NOS1AP: variants seen among roughly 807,000 people sequenced by gnomAD.
NOS1AP encodes the protein nitric oxide synthase 1 adaptor protein.
A neutral mutation model predicts 56.2 loss-of-function variants in NOS1AP; 21 were observed. The observed-to-expected ratio is 0.37, with a 90% CI of 0.26 to 0.54. The LOEUF (loss-of-function observed/expected upper bound fraction) is 0.54. Among genes scored for constraint, NOS1AP ranks in the 20% least tolerant of loss-of-function variants. The pLI is 0.84. For missense variants in NOS1AP, 522 were observed against 657.8 expected, an observed-to-expected ratio of 0.79 and a Z score of 2.26; for synonymous variants, 270 against 274.6, an observed-to-expected ratio of 0.98 and a Z score of 0.17.
At chr1:162,168,061 A>G (rs1262682643) in intron 2 of NOS1AP, among the ~76,000 whole-genome samples, 1 of 152,170 alleles carries the variant, frequency 6.6e-6, no homozygotes, top group African/African-American at 2.4e-5. Context: ...GTTATATAAC[A>G]GGCGCTGTTC....
chr1:162,240,244 A>AGTGTGTGTGTGTGTGTGTGTGTGT (rs5778260), intron 2 of NOS1AP, among the ~76,000 whole-genome samples: 13 of 141,302 alleles, frequency 9.2e-5, no homozygotes, highest in African/African-American at 3.5e-4. Context: ...CTGTGTGGCC[A>AGTGTGTGTGTGTGTGTGTGTGTGT]GTGTGTGTGT....
chr1:162,301,200 T>C (rs1215692642), intron 4 of NOS1AP, among the ~76,000 whole-genome samples: 1 of 152,154 alleles, frequency 6.6e-6, no homozygotes, highest in Non-Finnish European at 1.5e-5. Context: ...AAAATTTGTA[T>C]GTTGAAATCC....
intron 2 of NOS1AP, among the ~76,000 whole-genome samples, chr1:162,264,247 T>C (rs1654326654): frequency 6.6e-6 from 1 of 152,110 alleles, no homozygotes; most frequent in Non-Finnish European, 1.5e-5. Flanking sequence ...TATTTTCCTC[T>C]TCAGCCTCTT....
intron 6 of NOS1AP, among the ~76,000 whole-genome samples, chr1:162,351,109 TATCTC>T (rs1657478248): frequency 6.6e-6 from 1 of 152,202 alleles, no homozygotes; most frequent in South Asian, 2.1e-4. Flanking sequence ...ATCTCTAAGA[TATCTC>T]ATATATATGC....
intron 2 of NOS1AP, among the ~76,000 whole-genome samples, chr1:162,199,481 G>C (rs993134366): frequency 6.6e-6 from 1 of 152,220 alleles, no homozygotes; most frequent in African/African-American, 2.4e-5. Flanking sequence ...GAGGGATGTA[G>C]AGGTATGTGT....
intron 2 of NOS1AP, among the ~76,000 whole-genome samples, chr1:162,272,302 C>A (rs1654604795): frequency 6.6e-6 from 1 of 152,178 alleles, no homozygotes; most frequent in Admixed American, 6.5e-5. Context: ...CCCACAACAA[C>A]CTCCTTTATC....
intron 2 of NOS1AP, among the ~76,000 whole-genome samples, chr1:162,191,628 G>A (rs868030216): frequency 9.9e-5 from 15 of 151,872 alleles, no homozygotes; most frequent in African/African-American, 2.7e-4. Context: ...TTCTTGCCGC[G>A]TTCTCCTAGA....
intron 4 of NOS1AP, among the ~76,000 whole-genome samples, chr1:162,314,101 G>A (rs1241796894): frequency 6.6e-6 from 1 of 152,190 alleles, no homozygotes; most frequent in Non-Finnish European, 1.5e-5. Context: ...ATCTCAAAAA[G>A]GCTACTAAGC....
rs3065060 is a variant in NOS1AP at position 162,368,438 on chromosome 1, C to CAAAAAAAAAAAAAAAAAAAA, written c.*984_*985insAAAAAAAAAAAAAAAAAAAA. The CAAAAAAAAAAAAAAAAAAAA allele has an allele frequency of 6.9e-6, 1 of 145,728 alleles. No individual in the cohort carries two copies. Among genetic ancestry groups the CAAAAAAAAAAAAAAAAAAAA allele is most frequent in the African/African-American group, 2.6e-5 (1 of 38,446 alleles). The allele number at this position is 145,728 out of a possible 1,614,324, so 9.0% of individuals were successfully genotyped here. A position where few individuals can be genotyped will look rare whatever the true frequency, so the allele number is the denominator to read the frequency against. ...GGGCAGTGGTGGTCAGTTTTTACTG[C>CAAAAAAAAAAAAAAAAAAAA]AAAAAAAAAAAAAGAAAAAAGAGAA... On this transcript the variant is annotated 3_prime_UTR_variant, in exon 10 of 10. Coordinates refer to ENST00000361897, the MANE Select transcript of NOS1AP (RefSeq NM_014697.3).
At chr1:162,309,280 A>G (rs557571935) in intron 4 of NOS1AP, among the ~76,000 whole-genome samples, 5 of 151,774 alleles carry the variant, frequency 3.3e-5, no homozygotes, top group Non-Finnish European at 7.4e-5. Context: ...ATATCAAACT[A>G]CAAGCAAGGT....
intron 1 of NOS1AP, among the ~76,000 whole-genome samples, chr1:162,142,919 T>G (rs1264225312): frequency 1.3e-5 from 2 of 152,238 alleles, no homozygotes; most frequent in African/African-American, 4.8e-5. Context: ...ACTTTATATT[T>G]AAGTGGGGAA....
intron 1 of NOS1AP, among the ~76,000 whole-genome samples, chr1:162,085,515 C>T (rs758519056): frequency 6.6e-6 from 1 of 152,138 alleles, no homozygotes; most frequent in Non-Finnish European, 1.5e-5. Context: ...TCACTGTGTA[C>T]TCCCTCATAA....
chr1:162,299,753 GGTGT>G (rs138847283), intron 3 of NOS1AP, among the ~76,000 whole-genome samples: 3 of 151,152 alleles, frequency 2.0e-5, no homozygotes, highest in East Asian at 1.9e-4. Context: ...GATTAAATGT[GGTGT>G]GTGTGTGTGT....
At chr1:162,268,793 G>T (rs1654500933) in intron 2 of NOS1AP, among the ~76,000 whole-genome samples, 2 of 151,986 alleles carry the variant, frequency 1.3e-5, no homozygotes, top group African/African-American at 4.8e-5. Context: ...TAGAAGGGTT[G>T]AAAGGTTTAA....
intron 1 of NOS1AP, among the ~76,000 whole-genome samples, chr1:162,100,588 G>A (rs1692362253): frequency 6.6e-6 from 1 of 151,970 alleles, no homozygotes; most frequent in African/African-American, 2.4e-5. Flanking sequence ...TAGGCTGCCT[G>A]TTCACTCTGA....
intron 2 of NOS1AP, among the ~76,000 whole-genome samples, chr1:162,240,077 A>G (rs1653436387): frequency 6.6e-6 from 1 of 152,182 alleles, no homozygotes; most frequent in African/African-American, 2.4e-5. Context: ...CTGCCACGCT[A>G]GAGACACTCA....
chr1:162,240,908 T>C (rs1460129696), intron 2 of NOS1AP, among the ~76,000 whole-genome samples: 1 of 152,154 alleles, frequency 6.6e-6, no homozygotes, highest in African/African-American at 2.4e-5. Context: ...TGGAGTAGGA[T>C]AAATGCCATG....
intron 2 of NOS1AP, among the ~76,000 whole-genome samples, chr1:162,170,005 A>G (rs79220893): frequency 0.038 from 5,743 of 152,240 alleles, 170 homozygotes; most frequent in Admixed American, 0.055. Context: ...AACCTTTGCT[A>G]CGAAATCTTC....
intron 1 of NOS1AP, among the ~76,000 whole-genome samples, chr1:162,075,469 G>C (rs186339009): frequency 6.6e-6 from 1 of 152,124 alleles, no homozygotes; most frequent in Non-Finnish European, 1.5e-5. Flanking sequence ...TTAAACATAC[G>C]GCCATGAAGG....
Sources: gnomAD v4.1 joint callset for allele counts (sites outside exome capture counted in the v4.1 genomes callset) on GRCh38, gnomAD v4.1.1 for gene constraint, MANE v1.5 for transcripts, NCBI Gene and HGNC (gene_info 2026-07-23, HGNC 2026-07-21) for gene names.